TRIP12: variants seen among roughly 807,000 people sequenced by gnomAD.
TRIP12 encodes the protein E3 ubiquitin-protein ligase TRIP12.
A neutral mutation model predicts 244.2 loss-of-function variants in TRIP12; 25 were observed. That is an observed-to-expected ratio of 0.10 (90% CI 0.07 to 0.14). The LOEUF (loss-of-function observed/expected upper bound fraction) is 0.14. TRIP12 is among the 10% of genes least tolerant of loss of function. TRIP12 has a pLI of 1.00. For synonymous variants in TRIP12, 905 were observed against 873.1 expected (o/e 1.04, Z -0.64); for missense variants, 1,677 against 2,486.4 (o/e 0.67, Z 6.92).
At chr2:229,819,889 T>C (rs2049575416) in intron 8 of TRIP12, among the ~76,000 whole-genome samples, 1 of 152,236 alleles carries the variant, frequency 6.6e-6, no homozygotes, top group Non-Finnish European at 1.5e-5. Context: ...TAGCAATCAA[T>C]GGAAGTTGTT....
chr2:229,915,619 T>C (rs1332644915), intron 1 of TRIP12, among the ~76,000 whole-genome samples: 1 of 15,642 alleles, frequency 6.4e-5, no homozygotes, highest in Non-Finnish European at 1.9e-4. Context: ...AGTGTCCTTA[T>C]AAAAGTTAAA....
At chr2:229,895,587 G>A (rs2068589128) in intron 1 of TRIP12, among the ~76,000 whole-genome samples, 1 of 149,354 alleles carries the variant, frequency 6.7e-6, no homozygotes, top group East Asian at 2.0e-4. Context: ...ACAGCAAAGT[G>A]GAAGACAGAA....
intron 8 of TRIP12, among the ~76,000 whole-genome samples, chr2:229,824,226 C>T (rs1390821172): frequency 2.6e-5 from 4 of 152,038 alleles, no homozygotes; most frequent in Middle Eastern, 3.4e-3. Context: ...CTCTAGGGTA[C>T]CACTAAAAGA....
chr2:229,870,582 A>G (rs559171136), intron 2 of TRIP12, among the ~76,000 whole-genome samples: 1 of 152,342 alleles, frequency 6.6e-6, no homozygotes, highest in South Asian at 2.1e-4. Context: ...AGACTGGCAG[A>G]ATTTCAGTAA....
chr2:229,881,423 T>C (rs1048908958), intron 1 of TRIP12, among the ~76,000 whole-genome samples: 3 of 152,206 alleles, frequency 2.0e-5, no homozygotes, highest in African/African-American at 7.2e-5. Flanking sequence ...AGTGAACATA[T>C]GACATTATAG....
intron 21 of TRIP12, 70 bp downstream of exon 21, chr2:229,802,180 CTA>C (rs1295521409): frequency 4.1e-6 from 5 of 1,225,696 alleles, no homozygotes; most frequent in Non-Finnish European, 5.6e-6. Flanking sequence ...ATTTTACTCC[CTA>C]TATGATTCTT....
intron 4 of TRIP12, among the ~76,000 whole-genome samples, chr2:229,851,669 C>T (rs1341472797): frequency 6.6e-6 from 1 of 152,182 alleles, no homozygotes. Flanking sequence ...AGATCTGCAG[C>T]TTCACTCCTG....
At chr2:229,873,941 AAGCTG>A (rs1479111566) in intron 2 of TRIP12, among the ~76,000 whole-genome samples, 1 of 152,092 alleles carries the variant, frequency 6.6e-6, no homozygotes, top group African/African-American at 2.4e-5. Flanking sequence ...GTCCATAACA[AAGCTG>A]AGGAAAAATT....
intron 15 of TRIP12, among the ~76,000 whole-genome samples, chr2:229,809,446 A>G (rs981596562): frequency 1.3e-5 from 2 of 152,204 alleles, no homozygotes; most frequent in Non-Finnish European, 2.9e-5. Context: ...GGAGCATGCA[A>G]AAGAGGTGAA....
intron 1 of TRIP12, among the ~76,000 whole-genome samples, chr2:229,904,242 AC>A (rs1277636446): frequency 1.3e-5 from 2 of 151,766 alleles, no homozygotes; most frequent in Non-Finnish European, 2.9e-5. Context: ...ACATAGTGAA[AC>A]CCTGTCTCTA....
At chr2:229,791,083 C>T in intron 30 of TRIP12, 41 bp downstream of exon 30, 1 of 1,607,042 alleles carries the variant, frequency 6.2e-7, no homozygotes, top group Non-Finnish European at 8.5e-7. Context: ...GGGAAGATTG[C>T]CCAGTTGGCA....
intron 1 of TRIP12, among the ~76,000 whole-genome samples, chr2:229,917,273 C>A (rs1001351167): frequency 4.0e-5 from 6 of 150,588 alleles, no homozygotes; most frequent in African/African-American, 1.5e-4. Flanking sequence ...CCCAGCTACT[C>A]GGGAGGCTGA....
intron 1 of TRIP12, among the ~76,000 whole-genome samples, chr2:229,901,846 C>T (rs1016359605): frequency 5.3e-5 from 8 of 151,998 alleles, no homozygotes; most frequent in African/African-American, 1.9e-4. Context: ...AAGATGGTAG[C>T]AGACAGGGTT....
chr2:229,814,178 A>C, intron 12 of TRIP12, 55 bp downstream of exon 12: 1 of 1,591,910 alleles, frequency 6.3e-7, no homozygotes, highest in Non-Finnish European at 8.6e-7. Context: ...ACAAATGTGG[A>C]TTTTAAAAAT....
intron 20 of TRIP12, 125 bp downstream of exon 20, chr2:229,803,446 A>G: frequency 1.5e-6 from 1 of 647,326 alleles, no homozygotes; most frequent in South Asian, 2.2e-5. Context: ...CAGAGCTATA[A>G]GCTAACAGAG....
intron 39 of TRIP12, among the ~76,000 whole-genome samples, chr2:229,770,352 G>A (rs1330355496): frequency 1.3e-5 from 2 of 152,118 alleles, no homozygotes; most frequent in South Asian, 2.1e-4. Flanking sequence ...CTTGGATAAG[G>A]TTATACAGCA....
intron 4 of TRIP12, among the ~76,000 whole-genome samples, chr2:229,848,419 G>A (rs1230808860): frequency 7.1e-6 from 1 of 141,354 alleles, no homozygotes; most frequent in African/African-American, 2.6e-5. Flanking sequence ...TAAACCAAAC[G>A]CATGATTCTA....
At chr2:229,810,319 T>TAAA (rs2046961067) in intron 15 of TRIP12, among the ~76,000 whole-genome samples, 1 of 152,238 alleles carries the variant, frequency 6.6e-6, no homozygotes, top group African/African-American at 2.4e-5. Context: ...AGCATTGCAA[T>TAAA]AAAATTTTAT....
intron 1 of TRIP12, 62 bp from the exon 2 acceptor site, chr2:229,880,190 T>C (rs2064530618): frequency 9.7e-6 from 10 of 1,032,460 alleles, no homozygotes; most frequent in Non-Finnish European, 1.3e-5. Context: ...GGAAAAGAAA[T>C]GAGGGGAACT....
Sources: allele counts gnomAD v4.1 joint callset (sites outside exome capture counted in the v4.1 genomes callset), GRCh38; gene constraint gnomAD v4.1.1; transcripts MANE v1.5; gene names NCBI Gene and HGNC (gene_info 2026-07-23, HGNC 2026-07-21).